ZC3H12A: variants seen among roughly 807,000 people sequenced by gnomAD.
ZC3H12A encodes the protein endoribonuclease ZC3H12A.
A neutral mutation model predicts 29.9 loss-of-function variants in ZC3H12A; 9 were observed. The ratio of observed to expected loss-of-function variants is 0.30; its 90% CI spans 0.18 to 0.53. The LOEUF is 0.53. Among genes scored for constraint, ZC3H12A ranks in the 20% least tolerant of loss-of-function variants. ZC3H12A has a pLI of 0.96. For synonymous variants in ZC3H12A, 323 were observed against 338.1 expected (o/e 0.96, Z 0.49); for missense variants, 617 against 799.0 (o/e 0.77, Z 2.75).
At chr1:37,480,099 C>G in intron 2 of ZC3H12A, 191 bp from the exon 3 acceptor site, 1 of 1,305,912 alleles carries the variant, frequency 7.7e-7, no homozygotes, top group East Asian at 2.8e-5. Context: ...TGGGCCCCAC[C>G]TGCAGAGGGC....
At chr1:37,474,835 A>C (rs1388217647) in intron 1 of ZC3H12A, among the ~76,000 whole-genome samples, 2 of 152,062 alleles carry the variant, frequency 1.3e-5, no homozygotes, top group Admixed American at 6.5e-5. Context: ...GCCGGGGAAG[A>C]GCACCAGGTT....
At position 37,483,309 on chromosome 1, in the gene ZC3H12A, G is replaced by C; in HGVS notation, c.1498G>C (p.Ala500Pro). The change falls in exon 6 of 6, where the codon GCC becomes CCC. Residue 500 changes from alanine to proline, a missense_variant. Transcript: ENST00000373087. ...GGGTGCTGGCCACTTCAGTGTCCCT[G>C]CCGACTACCCACCCGCGCCCCCTGC... ...AMGAGHFSVP[A>P]DYPPAPPAFP... The C allele has an allele frequency of 6.2e-7, 1 of 1,614,080 alleles. No homozygotes were observed. Among genetic ancestry groups the C allele is most frequent in the Non-Finnish European group, 8.5e-7 (1 of 1,180,000 alleles).
intron 4 of ZC3H12A, 42 bp from the exon 5 acceptor site, chr1:37,482,392 G>A (rs1641726880): frequency 6.5e-7 from 1 of 1,545,930 alleles, no homozygotes; most frequent in Admixed American, 1.7e-5. Context: ...AGAAGTCCCT[G>A]CATGGCTCCC....
In ZC3H12A at chr1:37,478,625, A is replaced by T. The variant is rs1224567986; in HGVS notation, c.444-1665A>T. Among the ~76,000 whole-genome samples, 1 of 152,202 alleles carries T rather than the reference A, an allele frequency of 6.6e-6. No individual in the cohort carries two copies. The highest frequency in any genetic ancestry group is 1.9e-4 in the East Asian group (1 of 5,200). On this transcript the variant is annotated intron_variant, in intron 2 of 5. Transcript: ENST00000373087. This position sits in a 1 kb window ranked among gnomAD's most constrained non-coding sequence, Gnocchi z 5.2. ...CGTACCTGCCTGAGCATTGACGTAC[A>T]GGGTAGTGATAAGCATAGGCCCTGG... is the stretch of plus-strand genomic sequence containing the variant.
Position 37,480,331 on chromosome 1 carries a change from T to A in ZC3H12A, c.485T>A (p.Leu162Gln). 6.2e-7 allele frequency: 1 copy of A among 1,614,094 alleles called. No homozygotes were observed. Among genetic ancestry groups the A allele is most frequent in the South Asian group, 1.1e-5 (1 of 91,088 alleles). ...GTCTTCTCCTGCCGGGGCATCCTGC[T>A]GGCAGTGAACTGGTTTCTGGAGCGG... ...KEVFSCRGIL[L>Q]AVNWFLERGH... Residue 162 changes from leucine to glutamine, a missense_variant, in exon 3 of 6, where the codon CTG becomes CAG. Transcript: ENST00000373087.
At chr1:37,480,176 C>T in intron 2 of ZC3H12A, 114 bp from the exon 3 acceptor site, 1 of 1,496,310 alleles carries the variant, frequency 6.7e-7, no homozygotes, top group Non-Finnish European at 8.9e-7. Context: ...CTGCTCACTA[C>T]CACCACCAAA....
chr1:37,483,151 T>G lies in ZC3H12A; in HGVS notation c.1340T>G (p.Met447Arg), dbSNP rs769037913. 3.3e-5 allele frequency: 54 copies of G among 1,613,404 alleles called. 1 individual carries two copies. Among genetic ancestry groups the G allele is most frequent in the Middle Eastern group, 1.6e-4 (1 of 6,080 alleles). ...DSGIGSLESQ[M>R]SELWGVRGGG... ...GGCATTGGCTCCCTGGAGAGCCAGA[T>G]GTCGGAACTTTGGGGGGTTCGAGGA... Residue 447 changes from methionine (M) to arginine (R), a missense_variant, in exon 6 of 6, where the codon ATG becomes AGG. Met to Arg is a moderately conservative substitution (Grantham distance 91, BLOSUM62 -1). Around this residue, in one of 5 missense-constraint regions of ZC3H12A, gnomAD observed 172 missense variants for 203.1 expected, o/e 0.85. Transcript: ENST00000373087.
intron 2 of ZC3H12A, 94 bp from the exon 3 acceptor site, chr1:37,480,196 G>C (rs751640390): frequency 6.5e-7 from 1 of 1,528,950 alleles, no homozygotes; most frequent in Non-Finnish European, 8.8e-7. Context: ...AGCCAGGGCA[G>C]GGGTGGGGTG....
intron 1 of ZC3H12A, 100 bp downstream of exon 1, chr1:37,474,729 G>C (rs1641543642): frequency 6.6e-6 from 1 of 152,544 alleles, no homozygotes; most frequent in African/African-American, 2.4e-5. Context: ...GGGAGGGGAC[G>C]GGAGGGGTGG....
At chr1:37,481,483 C>A (rs1641700321) in intron 3 of ZC3H12A, 118 bp from the exon 4 acceptor site, 1 of 934,072 alleles carries the variant, frequency 1.1e-6, no homozygotes, top group South Asian at 1.5e-5. Context: ...TTAGTTCTTG[C>A]CCCGGTGACC....
Position 37,480,326 on chromosome 1 carries a change from C to G in ZC3H12A, c.480C>G (p.Ile160Met). 6.2e-7 allele frequency: 1 copy of G among 1,614,080 alleles called. No individual in the cohort carries two copies. Among genetic ancestry groups the G allele is most frequent in the Non-Finnish European group, 8.5e-7 (1 of 1,179,954 alleles). ...AGGAGGTCTTCTCCTGCCGGGGCAT[C>G]CTGCTGGCAGTGAACTGGTTTCTGG... ...GNKEVFSCRG[I>M]LLAVNWFLER... The change falls in exon 3 of 6, where the codon ATC (isoleucine) becomes ATG (methionine). Residue 160 changes from isoleucine to methionine, a missense_variant. Transcript: ENST00000373087.
chr1:37,479,776 C>T lies in ZC3H12A; in HGVS notation c.444-514C>T, dbSNP rs1175035879. The T allele has an allele frequency of 1.0e-6, 1 of 985,416 alleles. No individual in the cohort carries two copies. Among genetic ancestry groups the T allele is most frequent in the Non-Finnish European group, 1.2e-6 (1 of 829,922 alleles). 61.0% of individuals were successfully genotyped at this position (985,416 alleles called of 1,614,324 possible). On this transcript the variant is annotated intron_variant, in intron 2 of 5. Transcript: ENST00000373087. The surrounding 1 kb of genome is among the most constrained non-coding windows in gnomAD (Gnocchi z 4.5). Reference sequence around the variant, plus strand: ...TCTGGTTTCTCCTCGGTCAGCCCAGCCGGTGCTTCCCCCGCCCCCACCCAC... The same window carrying T: ...TCTGGTTTCTCCTCGGTCAGCCCAGTCGGTGCTTCCCCCGCCCCCACCCAC...
Position 37,476,745 on chromosome 1 carries a change from T to G in ZC3H12A, c.443+806T>G, listed in dbSNP as rs1424880984. 6.6e-6 allele frequency among the ~76,000 whole-genome samples: 1 copy of G among 152,180 alleles called. No individual in the cohort carries two copies. Among genetic ancestry groups the G allele is most frequent in the Non-Finnish European group, 1.5e-5 (1 of 68,026 alleles). On this transcript the variant is annotated intron_variant, in intron 2 of 5. Coordinates refer to ENST00000373087, the MANE Select transcript of ZC3H12A (RefSeq NM_025079.3). The surrounding 1 kb of genome is among the most constrained non-coding windows in gnomAD (Gnocchi z 6.0). ...CCTTGGGAAACCCAGACTTCTCCCG[T>G]CAATCCAGGCTCCACCCTCTGGCCC...
Position 37,478,682 on chromosome 1 carries a change from T to G in ZC3H12A, c.444-1608T>G. The G allele has an allele frequency of 4.6e-6, 1 of 215,692 alleles. No individual in the cohort carries two copies. Among genetic ancestry groups the G allele is most frequent in the East Asian group, 1.8e-4 (1 of 5,464 alleles). The allele number at this position is 215,692 out of a possible 1,614,324, so 13.4% of individuals were successfully genotyped here. ...GTCTCTCTTCCACCGTTAACTGCTG[T>G]GTGACCCTGGTGACTAAGCTGCCTT... On this transcript the variant is annotated intron_variant, in intron 2 of 5. Transcript: ENST00000373087. The surrounding 1 kb of genome is among the most constrained non-coding windows in gnomAD (Gnocchi z 5.2).
rs569001799 is a variant in ZC3H12A at position 37,478,551 on chromosome 1, G to A, written c.444-1739G>A. On this transcript the variant is annotated intron_variant, in intron 2 of 5. Transcript: ENST00000373087. This position sits in a 1 kb window ranked among gnomAD's most constrained non-coding sequence, Gnocchi z 5.2. ...ATCTGGCCACCAGCGGGAGCTCAGT[G>A]CCTGCGAATCCCTGCTCATTCCCTG... Among the ~76,000 whole-genome samples the A allele has an allele frequency of 5.9e-5, 9 of 152,252 alleles. No homozygotes were observed. Among genetic ancestry groups the A allele is most frequent in the African/African-American group, 2.2e-4 (9 of 41,538 alleles).
In ZC3H12A at chr1:37,479,902, G is replaced by A. The variant is rs967874068; in HGVS notation, c.444-388G>A. 4.9e-6 allele frequency: 5 copies of A among 1,011,602 alleles called. No individual in the cohort carries two copies. The highest frequency in any genetic ancestry group is 8.3e-5 in the South Asian group (2 of 24,162). 62.7% of individuals were successfully genotyped at this position (1,011,602 alleles called of 1,614,324 possible). A position where few individuals can be genotyped will look rare whatever the true frequency, so the allele number is the denominator to read the frequency against. On this transcript the variant is annotated intron_variant, in intron 2 of 5. Transcript: ENST00000373087. The surrounding 1 kb of genome is among the most constrained non-coding windows in gnomAD (Gnocchi z 4.5). Reference sequence around the variant, plus strand: ...GGGTGGGGCAGGAACCAGAAGTCTCGCGGCACCTTTCCCCCACCCCCAGGT... The same window carrying A: ...GGGTGGGGCAGGAACCAGAAGTCTCACGGCACCTTTCCCCCACCCCCAGGT...
rs780135118 is a variant in ZC3H12A, at chr1:37,475,869, C to A, written c.373C>A (p.Leu125Ile). 1.9e-6 allele frequency: 3 copies of A among 1,560,508 alleles called. No individual in the cohort carries two copies. The highest frequency in any genetic ancestry group is 1.7e-6 in the Non-Finnish European group (2 of 1,154,298). ...TPKAPNLEPP[L>I]PEEEKEGSDL... ...TAAGGCTCCCAACCTGGAGCCTCCA[C>A]TCCCAGAAGAGGAAAAGGAGGGCAG... The change falls in exon 2 of 6, where the codon CTC (leucine) becomes ATC (isoleucine). Residue 125 changes from leucine to isoleucine, a missense_variant. Coordinates refer to ENST00000373087, the MANE Select transcript of ZC3H12A (RefSeq NM_025079.3). This position sits in a 1 kb window ranked among gnomAD's most constrained non-coding sequence, Gnocchi z 5.2.
Position 37,483,877 on chromosome 1 carries a change from T to G in ZC3H12A, c.*266T>G. ...GTATCTCTGTAGTTTAAGGAGACGC[T>G]GCCGGTAACGGCGTCGGTCCGTGGC... On this transcript the variant is annotated 3_prime_UTR_variant, in exon 6 of 6. Transcript: ENST00000373087. 6.9e-6 allele frequency: 3 copies of G among 432,532 alleles called. No individual in the cohort carries two copies. The highest frequency in any genetic ancestry group is 8.2e-6 in the Non-Finnish European group (2 of 244,624). 26.8% of individuals were successfully genotyped at this position (432,532 alleles called of 1,614,324 possible).
chr1:37,482,324 A>G (rs765312875), intron 4 of ZC3H12A, 110 bp from the exon 5 acceptor site: 7 of 933,788 alleles, frequency 7.5e-6, no homozygotes, highest in African/African-American at 4.9e-5. Context: ...CCCCAGTTTT[A>G]GGTGTCACTC....
Sources: gnomAD v4.1 joint callset for allele counts (sites outside exome capture counted in the v4.1 genomes callset) on GRCh38, gnomAD v4.1.1 for gene constraint, gnomAD v4.1.1 regional missense constraint, Gnocchi (gnomAD v3.1) non-coding constraint, MANE v1.5 for transcripts, NCBI Gene and HGNC (gene_info 2026-07-23, HGNC 2026-07-21) for gene names.